PAFAH1B2: variants seen among roughly 807,000 people sequenced by gnomAD.
The protein encoded by PAFAH1B2 is platelet-activating factor acetylhydrolase IB subunit alpha2.
A neutral mutation model predicts 28.0 loss-of-function variants in PAFAH1B2; 8 were observed. The ratio of observed to expected loss-of-function variants is 0.29; its 90% confidence interval spans 0.17 to 0.52. The LOEUF is 0.52. PAFAH1B2 is among the 20% of genes least tolerant of loss of function. The probability of loss-of-function intolerance (pLI) is 0.97; values close to 1 mark genes in which losing one functional copy is unlikely to be tolerated. For synonymous variants in PAFAH1B2, 104 were observed against 103.2 expected, an observed-to-expected ratio of 1.01 and a Z score of -0.05; for missense variants, 190 against 282.6, an observed-to-expected ratio of 0.67 and a Z score of 2.35.
intron 1 of PAFAH1B2, among the ~76,000 whole-genome samples, chr11:117,150,988 A>G (rs1956136590): frequency 1.4e-5 from 2 of 143,186 alleles, no homozygotes; most frequent in Admixed American, 6.8e-5. Context: ...ACTCCATCTC[A>G]GAAAAAAAAA....
downstream of PAFAH1B2, chr11:117,175,250 C>G (rs572258026): frequency 9.2e-7 from 1 of 1,083,858 alleles, no homozygotes; most frequent in African/African-American, 1.6e-5. Flanking sequence ...CCTGAGGCCC[C>G]GACATCTCCC....
intron 2 of PAFAH1B2, 32 bp from the exon 3 acceptor site, chr11:117,159,902 T>G: frequency 6.8e-7 from 1 of 1,466,202 alleles, no homozygotes; most frequent in Non-Finnish European, 9.3e-7. Flanking sequence ...GAAGTGCCAG[T>G]TAATAATTTT....
chr11:117,154,725 T>G (rs755132195), intron 2 of PAFAH1B2, among the ~76,000 whole-genome samples: 9 of 152,190 alleles, frequency 5.9e-5, no homozygotes, highest in Non-Finnish European at 1.3e-4. Flanking sequence ...ATTACAGGCA[T>G]GAGCCACCGT....
rs145333465 is a variant in PAFAH1B2, at chr11:117,150,750, A to G, written c.-7-1691A>G. Among the ~76,000 whole-genome samples the G allele has an allele frequency of 7.0e-3, 1,070 of 152,224 alleles. 7 individuals carry two copies. The highest frequency in any genetic ancestry group is 0.017 in the Middle Eastern group (5 of 294). On this transcript the variant is annotated intron_variant, in intron 1 of 5. Coordinates refer to ENST00000527958, the MANE Select transcript of PAFAH1B2 (RefSeq NM_002572.4). ...GGCAAGGGAAAGAAAAAGATTGCTT[A>G]TATAGAAGATGACCTCCTTTTCTTC...
At chr11:117,145,576 GGGA>G (rs915368478) in intron 1 of PAFAH1B2, among the ~76,000 whole-genome samples, 17 of 152,194 alleles carry the variant, frequency 1.1e-4, no homozygotes, top group African/African-American at 4.1e-4. Flanking sequence ...CTCCTTGTGG[GGGA>G]GAAGGGGAGG....
downstream of PAFAH1B2, chr11:117,171,860 T>G (rs1419979052): frequency 1.1e-6 from 1 of 888,144 alleles, no homozygotes; most frequent in African/African-American, 1.7e-5. Context: ...TAAAATGATT[T>G]GCTGCTTTAG....
At chr11:117,155,590 C>G (rs1004451056) in intron 2 of PAFAH1B2, among the ~76,000 whole-genome samples, 2 of 152,166 alleles carry the variant, frequency 1.3e-5, no homozygotes, top group African/African-American at 4.8e-5. Context: ...GGAGTCCTTA[C>G]AGATTAGCAT....
intron 1 of PAFAH1B2, among the ~76,000 whole-genome samples, chr11:117,148,915 G>A (rs1353679781): frequency 1.3e-5 from 2 of 151,948 alleles, no homozygotes; most frequent in Non-Finnish European, 2.9e-5. Flanking sequence ...TCACTCAGGC[G>A]GGAGTGCAGT....
At chr11:117,155,341 G>A (rs2134184779) in intron 2 of PAFAH1B2, among the ~76,000 whole-genome samples, 1 of 152,258 alleles carries the variant, frequency 6.6e-6, no homozygotes, top group South Asian at 2.1e-4. Flanking sequence ...GAAAAATAAG[G>A]CTCAGCAGCA....
chr11:117,155,714 C>G (rs888432380), intron 2 of PAFAH1B2, among the ~76,000 whole-genome samples: 1 of 151,902 alleles, frequency 6.6e-6, no homozygotes. Flanking sequence ...ATCCCTTTAT[C>G]ACACTTACTA....
Position 117,168,446 on chromosome 11 carries a change from G to GGTTGTTTTTTTTTTTTTTTTTTTTT in PAFAH1B2, c.*747_*748insGTTGTTTTTTTTTTTTTTTTTTTTT. 1 of 234,814 alleles carries GGTTGTTTTTTTTTTTTTTTTTTTTT rather than the reference G, an allele frequency of 4.3e-6. No individual in the cohort carries two copies. The highest frequency in any genetic ancestry group is 9.1e-5 in the African/African-American group (1 of 10,946). 14.5% of individuals were successfully genotyped at this position (234,814 alleles called of 1,614,324 possible). Reference sequence around the variant, plus strand: ...TCCCCTTCATTCCCCCCGCCACCCCGTTTTTTTTTTTTTTTTTTTTTTTTT... The same window carrying GGTTGTTTTTTTTTTTTTTTTTTTTT: ...TCCCCTTCATTCCCCCCGCCACCCCGGTTGTTTTTTTTTTTTTTTTTTTTTTTTTTTTTTTTTTTTTTTTTTTTTT... On this transcript the variant is annotated 3_prime_UTR_variant, in exon 6 of 6. Transcript: ENST00000527958.
rs1379588560 is a variant in PAFAH1B2, at chr11:117,169,790, A to G, written c.*2091A>G. On this transcript the variant is annotated 3_prime_UTR_variant, in exon 6 of 6. Transcript: ENST00000527958. ...TGTATAGCAAGAAGAATTAAGCCAG[A>G]TTTTTGTGTGTGGAAAGACAGTTTT... The G allele has an allele frequency of 1.9e-6, 2 of 1,055,824 alleles. No homozygotes were observed. The highest frequency in any genetic ancestry group is 5.4e-5 in the Admixed American group (1 of 18,402). The allele number at this position is 1,055,824 out of a possible 1,614,324, so 65.4% of individuals were successfully genotyped here. A position where few individuals can be genotyped will look rare whatever the true frequency, so the allele number is the denominator to read the frequency against.
intron 1 of PAFAH1B2, among the ~76,000 whole-genome samples, chr11:117,151,028 C>T (rs1031870555): frequency 1.3e-4 from 19 of 151,342 alleles, no homozygotes; most frequent in African/African-American, 3.9e-4. Flanking sequence ...TTCTATAAAC[C>T]GCAAAACCCC....
chr11:117,151,792 C>T (rs1956157424), intron 1 of PAFAH1B2, among the ~76,000 whole-genome samples: 1 of 152,030 alleles, frequency 6.6e-6, no homozygotes, highest in Admixed American at 6.6e-5. Flanking sequence ...GCTCCACCTG[C>T]ACCTCCTGGG....
chr11:117,153,817 C>T (rs1956206312), intron 2 of PAFAH1B2, among the ~76,000 whole-genome samples: 1 of 151,976 alleles, frequency 6.6e-6, no homozygotes, highest in Admixed American at 6.6e-5. Context: ...TCTTAAATAA[C>T]TATAGGATAG....
chr11:117,172,658 G>T (rs1390139072), downstream of PAFAH1B2, among the ~76,000 whole-genome samples: 1 of 152,044 alleles, frequency 6.6e-6, no homozygotes, highest in Non-Finnish European at 1.5e-5. Flanking sequence ...ATAGTTGGGA[G>T]CCCCCTATCT....
Position 117,158,726 on chromosome 11 carries a change from C to T in PAFAH1B2, c.82-1208C>T, listed in dbSNP as rs146106094. Among the ~76,000 whole-genome samples the T allele has an allele frequency of 8.2e-3, 1,233 of 150,306 alleles. 17 individuals carry two copies. Among genetic ancestry groups the T allele is most frequent in the African/African-American group, 0.029 (1,173 of 40,732 alleles). ...ATGGCATGATCCCGGCTCACTGCAA[C>T]CTCCGTCTCCCAGGTTCAGGCGATT... On this transcript the variant is annotated intron_variant, in intron 2 of 5. Transcript: ENST00000527958.
At chr11:117,155,847 C>A (rs1956243976) in intron 2 of PAFAH1B2, among the ~76,000 whole-genome samples, 1 of 152,098 alleles carries the variant, frequency 6.6e-6, no homozygotes, top group Non-Finnish European at 1.5e-5. Flanking sequence ...CATAGACCCT[C>A]ATTCCCCTCA....
intron 1 of PAFAH1B2, among the ~76,000 whole-genome samples, chr11:117,149,405 T>G (rs1408814183): frequency 1.4e-5 from 2 of 142,772 alleles, no homozygotes; most frequent in Admixed American, 7.1e-5. Flanking sequence ...TTTAAAGAAT[T>G]TAATTTAAAA....
Sources: allele counts gnomAD v4.1 joint callset (sites outside exome capture counted in the v4.1 genomes callset), GRCh38; gene constraint gnomAD v4.1.1; transcripts MANE v1.5; gene names NCBI Gene and HGNC (gene_info 2026-07-23, HGNC 2026-07-21).